The following SEPTIN5 variants were observed in gnomAD, a reference collection of about 807,000 sequenced individuals.
SEPTIN5 encodes septin-5.
In SEPTIN5, 16 loss-of-function variants were observed where a neutral mutation model predicts 51.2. The observed-to-expected ratio is 0.31, with a 90% CI of 0.21 to 0.47. The LOEUF (loss-of-function observed/expected upper bound fraction) is 0.47. Ranked by LOEUF, SEPTIN5 falls within the 20% of genes least tolerant of loss-of-function variation. SEPTIN5 has a pLI of 0.99. For missense variants in SEPTIN5, 376 were observed against 500.3 expected, an observed-to-expected ratio of 0.75 and a Z score of 2.37; for synonymous variants, 208 against 191.2, an observed-to-expected ratio of 1.09 and a Z score of -0.72.
Position 19,719,949 on chromosome 22 carries a change from C to T in SEPTIN5, c.238+57C>T, listed in dbSNP as rs373045210. ...TCCCCAGTCCCCTTCCATGGGACCT[C>T]TCCAAGGACTCCCTTTCAGGTCCAG... On this transcript the variant is annotated intron_variant, in intron 4 of 11. Coordinates refer to ENST00000455784, the MANE Select transcript of SEPTIN5 (RefSeq NM_002688.6). 7.3e-5 allele frequency: 117 copies of T among 1,598,852 alleles called. 3 individuals carry two copies. In the African/African-American group the frequency reaches 1.1e-3, roughly 15 times the overall value.
rs1035930140 is a variant in SEPTIN5, at chr22:19,722,814, A to G, written c.*330A>G. 24 of 486,312 alleles carry G rather than the reference A, an allele frequency of 4.9e-5. No individual in the cohort carries two copies. The highest frequency in any genetic ancestry group is 9.0e-5 in the Non-Finnish European group (24 of 265,778). 30.1% of individuals were successfully genotyped at this position (486,312 alleles called of 1,614,324 possible). ...TGGCAGGCAGGCAAAGCTAGGCAGA[A>G]GAGGATTCCCAGGATCCTGGGTCTG... On this transcript the variant is annotated 3_prime_UTR_variant, in exon 12 of 12. Coordinates refer to ENST00000455784, the MANE Select transcript of SEPTIN5 (RefSeq NM_002688.6).
At chr22:19,719,328 G>A (rs1192884257) in intron 2 of SEPTIN5, 2 of 401,974 alleles carry the variant, frequency 5.0e-6, no homozygotes, top group African/African-American at 2.0e-5. Context: ...TGCCTGCTGC[G>A]GCCTGACATC....
At chr22:19,718,444 C>G in intron 2 of SEPTIN5, 1 of 1,099,774 alleles carries the variant, frequency 9.1e-7, no homozygotes, top group Non-Finnish European at 1.1e-6. Flanking sequence ...CGGGCGCCTG[C>G]GACGCCCCGC....
chr22:19,717,322 C>T (rs1400543569), intron 2 of SEPTIN5: 2 of 470,712 alleles, frequency 4.2e-6, no homozygotes, highest in Non-Finnish European at 8.8e-6. Context: ...CTACTGGGGT[C>T]ATGGAGGTGG....
chr22:19,718,539 C>G (rs1430530038), intron 2 of SEPTIN5: 1 of 1,283,426 alleles, frequency 7.8e-7, no homozygotes, highest in African/African-American at 1.5e-5. Context: ...AGGGGGATGG[C>G]TCGGTCGGCC....
chr22:19,722,271 A>G lies in SEPTIN5; in HGVS notation c.985A>G (p.Ile329Val). 1.2e-6 allele frequency: 2 copies of G among 1,609,552 alleles called. No individual in the cohort carries two copies. Among genetic ancestry groups the G allele is most frequent in the Non-Finnish European group, 1.7e-6 (2 of 1,178,654 alleles). Reference protein sequence around the residue: ...LTQDSRMESPIPILPLPTPDA... With the variant: ...LTQDSRMESPVPILPLPTPDA... ...CCAGGACAGCCGCATGGAGAGCCCCATCCCGATCCTGCCGCTGCCCACCCC... is the reference window on the plus strand; with the variant it reads ...CCAGGACAGCCGCATGGAGAGCCCCGTCCCGATCCTGCCGCTGCCCACCCC... Residue 329 changes from isoleucine (I) to valine (V), a missense_variant, in exon 11 of 12, where the codon ATC (isoleucine) becomes GTC (valine). Ile to Val is a conservative substitution (Grantham distance 29). This residue lies in a region of SEPTIN5 where 89 missense variants were observed against 83.3 expected (regional missense o/e 1.07). Transcript: ENST00000455784.
Position 19,723,116 on chromosome 22 carries a change from C to A in SEPTIN5, c.*632C>A, listed in dbSNP as rs1936084575. Reference sequence around the variant, plus strand: ...CCCCGGGGCACTGGGCGGTGAGCCACCTCCTGGCAACTCTCGGTGCCGTCC... The same window carrying A: ...CCCCGGGGCACTGGGCGGTGAGCCAACTCCTGGCAACTCTCGGTGCCGTCC... On this transcript the variant is annotated 3_prime_UTR_variant, in exon 12 of 12. Coordinates refer to ENST00000455784, the MANE Select transcript of SEPTIN5 (RefSeq NM_002688.6). 1 of 544,120 alleles carries A rather than the reference C, an allele frequency of 1.8e-6. No homozygotes were observed. The highest frequency in any genetic ancestry group is 2.2e-5 in the Admixed American group (1 of 45,158). The allele number at this position is 544,120 out of a possible 1,614,324, so 33.7% of individuals were successfully genotyped here. A position where few individuals can be genotyped will look rare whatever the true frequency, so the allele number is the denominator to read the frequency against.
chr22:19,722,159 G>A, intron 10 of SEPTIN5, 78 bp from the exon 11 acceptor site: 2 of 1,243,198 alleles, frequency 1.6e-6, no homozygotes, highest in Middle Eastern at 2.8e-4. Context: ...CAGTGGCGGG[G>A]ATGGGCCAGG....
chr22:19,716,566 G>C (rs1935914047), intron 2 of SEPTIN5, among the ~76,000 whole-genome samples: 1 of 152,214 alleles, frequency 6.6e-6, no homozygotes, highest in Admixed American at 6.5e-5. Flanking sequence ...TTGTCACTTG[G>C]GGACCAGAGA....
At chr22:19,719,765 C>T (rs1489711226) in intron 3 of SEPTIN5, 41 bp from the exon 4 acceptor site, 11 of 1,611,808 alleles carry the variant, frequency 6.8e-6, no homozygotes, top group Non-Finnish European at 9.3e-6. Flanking sequence ...GTCGTTGGAG[C>T]CCCAGACCTA....
At chr22:19,720,045 G>C (rs987111124) in intron 4 of SEPTIN5, 70 bp from the exon 5 acceptor site, 1 of 1,609,494 alleles carries the variant, frequency 6.2e-7, no homozygotes. Flanking sequence ...GGATGAGGAC[G>C]AGGGTCCTGG....
intron 11 of SEPTIN5, 22 bp from the exon 12 acceptor site, chr22:19,722,406 G>T (rs1936064343): frequency 6.3e-7 from 1 of 1,595,654 alleles, no homozygotes; most frequent in African/African-American, 1.3e-5. Context: ...CTGCTCACCC[G>T]CCGGGTTGTC....
At chr22:19,719,429 C>T in intron 2 of SEPTIN5, 173 bp from the exon 3 acceptor site, 2 of 594,132 alleles carry the variant, frequency 3.4e-6, no homozygotes, top group African/African-American at 1.9e-5. Flanking sequence ...CCTCGCCTGC[C>T]TTCTTATCTC....
chr22:19,720,503 T>G, intron 6 of SEPTIN5, 46 bp from the exon 7 acceptor site: 1 of 1,613,350 alleles, frequency 6.2e-7, no homozygotes, highest in Non-Finnish European at 8.5e-7. Flanking sequence ...CCCTACAATA[T>G]GGCCCCCTGG....
At chr22:19,718,586 C>T (rs767176677) in intron 2 of SEPTIN5, 3 of 1,290,628 alleles carry the variant, frequency 2.3e-6, no homozygotes, top group Non-Finnish European at 2.9e-6. Context: ...GCGACGTGCC[C>T]TGTCCAGGCC....
chr22:19,722,946 T>G lies in SEPTIN5; in HGVS notation c.*462T>G. 2.3e-6 allele frequency: 1 copy of G among 438,784 alleles called. No individual in the cohort carries two copies. Among genetic ancestry groups the G allele is most frequent in the Non-Finnish European group, 4.3e-6 (1 of 232,370 alleles). The allele number at this position is 438,784 out of a possible 1,614,324, so 27.2% of individuals were successfully genotyped here. The stretch of plus-strand genomic sequence containing the variant: ...CCATTTTCTGTCGAGGCGGGCCGAG[T>G]CTTCCCTTATCCCCAGACGCCTAGC... On this transcript the variant is annotated 3_prime_UTR_variant, in exon 12 of 12. Transcript: ENST00000455784.
chr22:19,720,891 G>T (rs112294076), intron 8 of SEPTIN5, 22 bp downstream of exon 8: 20,547 of 1,601,282 alleles, frequency 0.013, 168 homozygotes, highest in Non-Finnish European at 0.015. Context: ...GACTGGTGGG[G>T]CAGGGGGGAT....
intron 10 of SEPTIN5, 55 bp downstream of exon 10, chr22:19,722,012 C>A: frequency 6.4e-7 from 1 of 1,568,318 alleles, no homozygotes; most frequent in Non-Finnish European, 8.6e-7. Context: ...CCCACGTCTC[C>A]ATAACTGAGG....
chr22:19,723,142 C>G lies in SEPTIN5; in HGVS notation c.*658C>G. The G allele has an allele frequency of 1.8e-6, 1 of 556,916 alleles. No homozygotes were observed. Among genetic ancestry groups the G allele is most frequent in the Non-Finnish European group, 3.4e-6 (1 of 292,182 alleles). 34.5% of individuals were successfully genotyped at this position (556,916 alleles called of 1,614,324 possible). A position where few individuals can be genotyped will look rare whatever the true frequency, so the allele number is the denominator to read the frequency against. On this transcript the variant is annotated 3_prime_UTR_variant, in exon 12 of 12. Transcript: ENST00000455784. ...CTCCTGGCAACTCTCGGTGCCGTCC[C>G]CTGCCCTCGCTCGAGGCCTCTTCTC...
Sources: allele counts gnomAD v4.1 joint callset (sites outside exome capture counted in the v4.1 genomes callset), GRCh38; gene constraint gnomAD v4.1.1; regional missense constraint gnomAD v4.1.1; transcripts MANE v1.5; gene names NCBI Gene and HGNC (gene_info 2026-07-23, HGNC 2026-07-21).